Variants in LRRC18 observed in about 807,000 individuals in gnomAD.
LRRC18 encodes leucine rich repeat containing 18, also known as leucine-rich repeat-containing protein 18.
Under a neutral mutation model 11.2 loss-of-function variants are expected in LRRC18, and 12 were observed. The observed-to-expected ratio is 1.07, with a 90% CI of 0.69 to 1.74. The LOEUF is 1.74. Ranked by LOEUF, LRRC18 falls within the 40% of genes most tolerant of loss-of-function variation. LRRC18 has a pLI of 0.00. For missense variants in LRRC18, 374 were observed against 330.5 expected (o/e 1.13, Z -1.02); for synonymous variants, 155 against 130.6 (o/e 1.19, Z -1.27).
At chr10:48,914,122 TCTTGCC>T in exon 1 of LRRC18, 1 of 1,614,168 alleles carries the variant, frequency 6.2e-7, no homozygotes, top group Non-Finnish European at 8.5e-7. Context: ...AGGGTGATCT[TCTTGCC>T]CTTGGGGCCT....
the LRRC18 span, among the ~76,000 whole-genome samples, chr10:48,933,023 G>C: frequency 1.3e-5 from 2 of 152,136 alleles, no homozygotes; most frequent in African/African-American, 4.8e-5. Context: ...GCTGGCCGTG[G>C]GGAGGCAGCA....
chr10:48,913,717 G>T, exon 1 of LRRC18: 1 of 1,612,926 alleles, frequency 6.2e-7, no homozygotes, highest in Non-Finnish European at 8.5e-7. Context: ...CCTACCTCGT[G>T]GAGCTCCTTC....
upstream of LRRC18, among the ~76,000 whole-genome samples, chr10:48,915,417 ATT>A (rs11413657): frequency 8.1e-5 from 12 of 147,740 alleles, no homozygotes; most frequent in African/African-American, 3.0e-4. Flanking sequence ...CTGCTTGCTG[ATT>A]TTTTTTTTTG....
chr10:48,933,461 G>T, the LRRC18 span, among the ~76,000 whole-genome samples: 6 of 152,174 alleles, frequency 3.9e-5, no homozygotes, highest in Non-Finnish European at 2.9e-5. Context: ...ATGTCAGATG[G>T]CTCTCTTGGC....
chr10:48,912,348 C>T (rs1239807511), intron 1 of LRRC18, among the ~76,000 whole-genome samples: 1 of 152,204 alleles, frequency 6.6e-6, no homozygotes, highest in East Asian at 1.9e-4. Context: ...TTCAGTGTGG[C>T]ATTATTCCCA....
the LRRC18 span, among the ~76,000 whole-genome samples, chr10:48,927,083 A>G: frequency 1.3e-5 from 2 of 152,196 alleles, no homozygotes; most frequent in African/African-American, 2.4e-5. Context: ...GTGCCCCTGT[A>G]TCAGGGGCGG....
chr10:48,913,449 A>T, exon 1 of LRRC18: 1 of 1,613,260 alleles, frequency 6.2e-7, no homozygotes, highest in Non-Finnish European at 8.5e-7. Context: ...ATTGGGAAAG[A>T]TGGTCTTTCT....
At chr10:48,914,055 A>C (rs1341491104) in exon 1 of LRRC18, 5 of 1,614,172 alleles carry the variant, frequency 3.1e-6, no homozygotes, top group Non-Finnish European at 3.4e-6. Context: ...CATCTTGCTC[A>C]AGTCAAGGCG....
upstream of LRRC18, among the ~76,000 whole-genome samples, chr10:48,916,681 G>A (rs1838568972): frequency 6.6e-6 from 1 of 152,170 alleles, no homozygotes; most frequent in Non-Finnish European, 1.5e-5. Flanking sequence ...TTGCAACAGG[G>A]AAGAAATTCA....
chr10:48,915,964 A>C (rs936639368), upstream of LRRC18, among the ~76,000 whole-genome samples: 1 of 152,252 alleles, frequency 6.6e-6, no homozygotes, highest in Admixed American at 6.5e-5. Context: ...CTGAGAAACC[A>C]GATAGGATAA....
chr10:48,932,179 A>AGTGG, the LRRC18 span, among the ~76,000 whole-genome samples: 6 of 152,222 alleles, frequency 3.9e-5, no homozygotes, highest in African/African-American at 1.4e-4. Context: ...ACCAGTGTTC[A>AGTGG]GTGGGCACTC....
the LRRC18 span, among the ~76,000 whole-genome samples, chr10:48,922,726 C>T: frequency 1.3e-5 from 2 of 152,130 alleles, no homozygotes; most frequent in Non-Finnish European, 2.9e-5. Context: ...ACAAAGTCTA[C>T]GGATACATGC....
At chr10:48,926,363 C>T in the LRRC18 span, among the ~76,000 whole-genome samples, 1 of 152,210 alleles carries the variant, frequency 6.6e-6, no homozygotes, top group Non-Finnish European at 1.5e-5. Flanking sequence ...TGCTCCAGCC[C>T]ATTTTAATTT....
At chr10:48,920,993 A>G in the LRRC18 span, among the ~76,000 whole-genome samples, 21,093 of 152,212 alleles carry the variant, frequency 0.14, 1,986 homozygotes, top group East Asian at 0.31. Context: ...CTGATGTAAG[A>G]AAGCAAAGAA....
In LRRC18 at chr10:48,911,982, T is replaced by C. The variant is rs982342246; in HGVS notation, c.764+1410A>G. 4.6e-5 allele frequency among the ~76,000 whole-genome samples: 7 copies of C among 152,306 alleles called. No individual in the cohort carries two copies. In the South Asian group the frequency reaches 8.3e-4, roughly 18 times the overall value. Reference sequence around the variant, plus strand: ...GAGGAGAAAATAAGTTAATACCACTTCACTGATGGATGCCTCTTGGTGCTT... The same window carrying C: ...GAGGAGAAAATAAGTTAATACCACTCCACTGATGGATGCCTCTTGGTGCTT... On this transcript the variant is annotated intron_variant, in intron 1 of 1. Coordinates refer to ENST00000374160, the Ensembl canonical transcript of LRRC18.
upstream of LRRC18, among the ~76,000 whole-genome samples, chr10:48,916,030 T>C (rs966483704): frequency 6.6e-6 from 1 of 152,226 alleles, no homozygotes; most frequent in Non-Finnish European, 1.5e-5. Context: ...GTATGCTCAC[T>C]TGGTCCCACC....
At chr10:48,913,294 A>C in intron 1 of LRRC18, 98 bp downstream of exon 3, 2 of 1,138,192 alleles carry the variant, frequency 1.8e-6, no homozygotes, top group South Asian at 1.5e-5. Context: ...GAGCTGCTGC[A>C]GCCACAGGGG....
the LRRC18 span, among the ~76,000 whole-genome samples, chr10:48,936,011 A>T: frequency 6.6e-6 from 1 of 152,182 alleles, no homozygotes. Flanking sequence ...ATTGGAAAAA[A>T]ATTTGAAAAT....
chr10:48,929,845 G>A, the LRRC18 span, among the ~76,000 whole-genome samples: 1 of 152,118 alleles, frequency 6.6e-6, no homozygotes, highest in South Asian at 2.1e-4. Flanking sequence ...CCAAACTGTG[G>A]CATCAGACTT....
Sources: allele counts gnomAD v4.1 joint callset (sites outside exome capture counted in the v4.1 genomes callset), GRCh38; gene constraint gnomAD v4.1.1; transcripts MANE v1.5; gene names NCBI Gene and HGNC (gene_info 2026-07-23, HGNC 2026-07-21).